PIK3AP1: variants seen among roughly 807,000 people sequenced by gnomAD.
PIK3AP1 encodes phosphoinositide-3-kinase adaptor protein 1.
In PIK3AP1, 21 loss-of-function variants were observed where a neutral mutation model predicts 88.1. The ratio of observed to expected loss-of-function variants is 0.24; its 90% CI spans 0.17 to 0.34. PIK3AP1 has a LOEUF of 0.34. Ranked by LOEUF, PIK3AP1 falls within the 10% of genes least tolerant of loss-of-function variation. The probability of loss-of-function intolerance (pLI) is 1.00; values close to 1 mark genes in which losing one functional copy is unlikely to be tolerated. For synonymous variants in PIK3AP1, 398 were observed against 400.0 expected, an observed-to-expected ratio of 1.00 and a Z score of 0.06; for missense variants, 828 against 1,035.7, an observed-to-expected ratio of 0.80 and a Z score of 2.75.
At chr10:96,704,172 G>A (rs890984913) in intron 2 of PIK3AP1, among the ~76,000 whole-genome samples, 24 of 152,194 alleles carry the variant, frequency 1.6e-4, no homozygotes, top group African/African-American at 5.5e-4. Flanking sequence ...GAACGCAGGA[G>A]CTCTACCCTG....
intron 2 of PIK3AP1, among the ~76,000 whole-genome samples, chr10:96,675,948 T>C (rs1039242598): frequency 1.3e-5 from 2 of 152,204 alleles, no homozygotes; most frequent in African/African-American, 2.4e-5. Flanking sequence ...AAACCATAGT[T>C]TGGCAGTATC....
chr10:96,660,232 C>G (rs1564974373), intron 2 of PIK3AP1, among the ~76,000 whole-genome samples: 1 of 151,866 alleles, frequency 6.6e-6, no homozygotes. Context: ...AATACTTGTA[C>G]CCAAAATATA....
chr10:96,612,432 C>A (rs1319481934), intron 13 of PIK3AP1, among the ~76,000 whole-genome samples: 1 of 152,142 alleles, frequency 6.6e-6, no homozygotes, highest in East Asian at 1.9e-4. Context: ...TTCCCTAAGG[C>A]AAACGAAGTT....
At chr10:96,647,561 A>G (rs1485516212) in intron 7 of PIK3AP1, among the ~76,000 whole-genome samples, 1 of 152,190 alleles carries the variant, frequency 6.6e-6, no homozygotes, top group African/African-American at 2.4e-5. Context: ...CACCTTTTAG[A>G]CTTATTTGTG....
intron 2 of PIK3AP1, among the ~76,000 whole-genome samples, chr10:96,657,785 G>A (rs1339831259): frequency 6.6e-6 from 1 of 152,148 alleles, no homozygotes; most frequent in East Asian, 1.9e-4. Flanking sequence ...GAATGGTTGA[G>A]AGGGCTGGGC....
intron 8 of PIK3AP1, among the ~76,000 whole-genome samples, chr10:96,642,425 C>CAAAAAAAAAAAA (rs34912752): frequency 2.0e-5 from 2 of 98,962 alleles, no homozygotes; most frequent in Non-Finnish European, 4.3e-5. Context: ...GATGTTGTCT[C>CAAAAAAAAAAAA]AAAAAAAAAA....
chr10:96,665,391 C>T (rs983885683), intron 2 of PIK3AP1, among the ~76,000 whole-genome samples: 5 of 152,332 alleles, frequency 3.3e-5, no homozygotes, highest in East Asian at 1.9e-4. Flanking sequence ...GGCCCTTGCT[C>T]GGTGACAAAT....
At chr10:96,705,988 G>A (rs1844358793) in intron 2 of PIK3AP1, among the ~76,000 whole-genome samples, 1 of 139,802 alleles carries the variant, frequency 7.2e-6, no homozygotes, top group South Asian at 2.4e-4. Context: ...CCGCCTCCCA[G>A]GTTCACGCCA....
At chr10:96,681,971 T>C (rs1234065625) in intron 2 of PIK3AP1, among the ~76,000 whole-genome samples, 1 of 145,948 alleles carries the variant, frequency 6.9e-6, no homozygotes, top group East Asian at 2.0e-4. Context: ...TTAAAAAATA[T>C]GCATACATAA....
At chr10:96,598,540 G>A (rs1317896959) in intron 16 of PIK3AP1, among the ~76,000 whole-genome samples, 1 of 152,050 alleles carries the variant, frequency 6.6e-6, no homozygotes, top group Non-Finnish European at 1.5e-5. Context: ...TACTCTGCCA[G>A]GCACTAGGGA....
intron 8 of PIK3AP1, among the ~76,000 whole-genome samples, chr10:96,629,752 G>GGTATAGC (rs2134210925): frequency 7.0e-6 from 1 of 143,848 alleles, no homozygotes; most frequent in Non-Finnish European, 1.5e-5. Context: ...AAATTAGCAA[G>GGTATAGC]GTATAGCGGC....
intron 6 of PIK3AP1, 96 bp downstream of exon 6, chr10:96,651,152 T>C: frequency 6.6e-7 from 1 of 1,507,724 alleles, no homozygotes; most frequent in Non-Finnish European, 9.2e-7. Flanking sequence ...CCAGAAGAGT[T>C]ACAGCAGAAG....
intron 2 of PIK3AP1, among the ~76,000 whole-genome samples, chr10:96,681,947 C>T (rs1450046524): frequency 6.6e-6 from 1 of 151,896 alleles, no homozygotes; most frequent in African/African-American, 2.4e-5. Context: ...TATACTTTCT[C>T]ACTCTTATAG....
intron 6 of PIK3AP1, among the ~76,000 whole-genome samples, chr10:96,650,703 T>C (rs1843525435): frequency 6.6e-6 from 1 of 151,906 alleles, no homozygotes; most frequent in African/African-American, 2.4e-5. Flanking sequence ...TACAGGGAAG[T>C]GAGAGAAGTT....
chr10:96,677,395 A>G (rs1843938238), intron 2 of PIK3AP1, among the ~76,000 whole-genome samples: 1 of 152,146 alleles, frequency 6.6e-6, no homozygotes, highest in South Asian at 2.1e-4. Flanking sequence ...TCCCGAGGTC[A>G]ACTGTTCAAA....
intron 2 of PIK3AP1, among the ~76,000 whole-genome samples, chr10:96,686,822 G>GA (rs1447329613): frequency 2.6e-5 from 4 of 152,068 alleles, no homozygotes; most frequent in Non-Finnish European, 4.4e-5. Flanking sequence ...AACATTTACA[G>GA]AAAAAATACA....
At chr10:96,604,681 G>A (rs1848971403) in intron 14 of PIK3AP1, among the ~76,000 whole-genome samples, 1 of 152,108 alleles carries the variant, frequency 6.6e-6, no homozygotes, top group African/African-American at 2.4e-5. Context: ...AGACAGCAAA[G>A]GTATTCTGAT....
At chr10:96,694,737 C>G (rs937522996) in intron 2 of PIK3AP1, among the ~76,000 whole-genome samples, 1 of 151,962 alleles carries the variant, frequency 6.6e-6, no homozygotes, top group Admixed American at 6.5e-5. Flanking sequence ...GGAGGTCTTG[C>G]TATATTGCCC....
intron 16 of PIK3AP1, among the ~76,000 whole-genome samples, chr10:96,597,426 C>T (rs1219078840): frequency 1.0e-4 from 15 of 145,788 alleles, no homozygotes; most frequent in Non-Finnish European, 1.5e-4. Context: ...TATATCCACT[C>T]CTGGGTATGG....
Sources: gnomAD v4.1 joint callset for allele counts (sites outside exome capture counted in the v4.1 genomes callset) on GRCh38, gnomAD v4.1.1 for gene constraint, MANE v1.5 for transcripts, NCBI Gene and HGNC (gene_info 2026-07-23, HGNC 2026-07-21) for gene names.